Variants in TPM2 observed in about 807,000 individuals in gnomAD.
TPM2 encodes the protein tropomyosin beta chain.
In TPM2, 26 loss-of-function variants were observed where a neutral mutation model predicts 41.0. The observed-to-expected ratio is 0.63, with a 90% confidence interval of 0.46 to 0.88. The LOEUF is 0.88. TPM2 is among the 40% of genes least tolerant of loss of function. The probability of loss-of-function intolerance (pLI) is 0.00; values close to 1 mark genes in which losing one functional copy is unlikely to be tolerated. For missense variants in TPM2, 187 were observed against 355.2 expected (o/e 0.53, Z 3.81); for synonymous variants, 143 against 139.3 (o/e 1.03, Z -0.19).
chr9:35,682,266 G>T, downstream of TPM2: 1 of 1,232,812 alleles, frequency 8.1e-7, no homozygotes, highest in Non-Finnish European at 1.2e-6. Context: ...GTGGGTCAAG[G>T]AAGACACATG....
In TPM2 at chr9:35,689,898, T is replaced by C. The variant is rs370206135; in HGVS notation, c.-81A>G. ...TGGGTGAGCGGACTGGGTGCACCGG[T>C]GGCAGGCGAGGAGGACGGAGCGGGA... On this transcript the variant is annotated 5_prime_UTR_variant, in exon 1 of 9. Coordinates refer to ENST00000645482, the MANE Select transcript of TPM2 (RefSeq NM_003289.4). 1.1e-4 allele frequency: 170 copies of C among 1,598,780 alleles called. No individual in the cohort carries two copies. The East Asian group carries it at 2.9e-3, about 27-fold the overall frequency.
Position 35,685,867 on chromosome 9 carries a change from C to G in TPM2, c.241-87G>C. On this transcript the variant is annotated intron_variant, in intron 2 of 8. Coordinates refer to ENST00000645482, the MANE Select transcript of TPM2 (RefSeq NM_003289.4). The surrounding 1 kb of genome is among the most constrained non-coding windows in gnomAD (Gnocchi z 5.0). ...CTCCAGAGGATGGCGAGATTCTTCTCAGAAAGAACTGAGGCTTCCTGGTTT... is the reference window on the plus strand; with the variant it reads ...CTCCAGAGGATGGCGAGATTCTTCTGAGAAAGAACTGAGGCTTCCTGGTTT... 2 of 1,601,568 alleles carry G rather than the reference C, an allele frequency of 1.2e-6. No individual in the cohort carries two copies. The highest frequency in any genetic ancestry group is 1.7e-6 in the Non-Finnish European group (2 of 1,171,080).
At chr9:35,688,142 T>A (rs1825036805) in intron 2 of TPM2, among the ~76,000 whole-genome samples, 1 of 152,112 alleles carries the variant, frequency 6.6e-6, no homozygotes. Context: ...GAGTGTCAGA[T>A]GCCCAGGGTT....
downstream of TPM2, chr9:35,682,448 T>TGG: frequency 7.6e-7 from 1 of 1,311,250 alleles, no homozygotes; most frequent in Non-Finnish European, 9.9e-7. Flanking sequence ...TTAAGGAAGT[T>TGG]GGAGACAGAA....
chr9:35,683,364 G>C, intron 8 of TPM2, 123 bp from the exon 9 acceptor site: 1 of 970,456 alleles, frequency 1.0e-6, no homozygotes. Context: ...AAGACAGAGT[G>C]AGAGAGGGAG....
At position 35,683,020 on chromosome 9, in the gene TPM2, TG is replaced by T; in HGVS notation, c.*138del. On this transcript the variant is annotated 3_prime_UTR_variant, in exon 9 of 9. Transcript: ENST00000645482. ...GTGCCAGAGTGGGTGGTGGGCATGA[TG>T]GGGGCTCTCCCTAGGCTGCTCCCAG... 2 of 1,544,614 alleles carry T rather than the reference TG, an allele frequency of 1.3e-6. No homozygotes were observed. The highest frequency in any genetic ancestry group is 2.5e-5 in the East Asian group (1 of 40,778).
intron 5 of TPM2, 88 bp from the exon 6 acceptor site, chr9:35,684,895 GAGAGA>G: frequency 7.4e-6 from 12 of 1,612,400 alleles, no homozygotes; most frequent in Middle Eastern, 3.3e-4. Flanking sequence ...ACGGGTGGAG[GAGAGA>G]AGAGAAGAGC....
chr9:35,689,447 A>C (rs1825125065), intron 1 of TPM2, 176 bp from the exon 2 acceptor site: 1 of 954,604 alleles, frequency 1.0e-6, no homozygotes, highest in African/African-American at 1.8e-5. Context: ...GTACAGAGAA[A>C]ACTTCAGGCC....
At chr9:35,687,008 G>A (rs2131857283) in intron 2 of TPM2, among the ~76,000 whole-genome samples, 1 of 152,360 alleles carries the variant, frequency 6.6e-6, no homozygotes, top group African/African-American at 2.4e-5. Flanking sequence ...CCACGGCTCA[G>A]CCACTCAACA....
chr9:35,689,955 A>C, upstream of TPM2: 1 of 1,539,064 alleles, frequency 6.5e-7, no homozygotes, highest in Non-Finnish European at 8.8e-7. Context: ...GGCGCCTAAA[A>C]GGCGGGGAGG....
In TPM2 at chr9:35,683,626, C is replaced by T. The variant is rs534584934; in HGVS notation, c.773-385G>A. On this transcript the variant is annotated intron_variant, in intron 8 of 8. Coordinates refer to ENST00000645482, the MANE Select transcript of TPM2 (RefSeq NM_003289.4). The stretch of plus-strand genomic sequence containing the variant: ...GGAGCTTGCCTGAGAAGGCTGGAAG[C>T]GAGAGAAGTGGGAAAGTGAAAGGGT... Among the ~76,000 whole-genome samples the T allele has an allele frequency of 1.6e-4, 24 of 152,190 alleles. No individual in the cohort carries two copies. In the East Asian group the frequency reaches 3.1e-3, roughly 20 times the overall value.
At chr9:35,689,392 TA>T in intron 1 of TPM2, 121 bp from the exon 2 acceptor site, 1 of 1,509,736 alleles carries the variant, frequency 6.6e-7, no homozygotes, top group Non-Finnish European at 8.8e-7. Flanking sequence ...CGGAATAACA[TA>T]AAAGGGACAG....
intron 2 of TPM2, among the ~76,000 whole-genome samples, chr9:35,686,988 T>A (rs1023917417): frequency 6.6e-6 from 1 of 152,236 alleles, no homozygotes; most frequent in African/African-American, 2.4e-5. Context: ...TGAGTCAGAT[T>A]GTCTTTGAGC....
chr9:35,688,145 C>T (rs1041160997), intron 2 of TPM2, among the ~76,000 whole-genome samples: 2 of 152,060 alleles, frequency 1.3e-5, no homozygotes, highest in Non-Finnish European at 2.9e-5. Context: ...TGTCAGATGC[C>T]CAGGGTTGTC....
At chr9:35,689,999 C>G (rs994076994), upstream of TPM2, 18 of 1,455,828 alleles carry the variant, frequency 1.2e-5, no homozygotes, top group East Asian at 5.1e-5. Flanking sequence ...GACCCTCCCC[C>G]ACCTCGGCCC....
In TPM2 at chr9:35,686,608, GC is replaced by G. The variant is rs1824924253; in HGVS notation, c.241-829del. On this transcript the variant is annotated intron_variant, in intron 2 of 8. Transcript: ENST00000645482. ...AGTTCAGCTTGACCCCAGGAGCCCT[GC>G]CTGGGAAACATAGCAAGATCCCATC... Among the ~76,000 whole-genome samples, 3 of 132,656 alleles carry G rather than the reference GC, an allele frequency of 2.3e-5. No individual in the cohort carries two copies. The South Asian group carries it at 7.1e-4, about 31-fold the overall frequency. 87.0% of individuals were successfully genotyped at this position (132,656 alleles called of 152,430 possible).
At chr9:35,684,619 G>GT in intron 6 of TPM2, 69 bp from the exon 7 acceptor site, 1 of 1,612,896 alleles carries the variant, frequency 6.2e-7, no homozygotes, top group Non-Finnish European at 8.5e-7. Flanking sequence ...ATTGTACCCC[G>GT]TAGGCTCCTG....
At chr9:35,684,083 A>G in intron 8 of TPM2, 163 bp downstream of exon 8, 1 of 711,300 alleles carries the variant, frequency 1.4e-6, no homozygotes. Context: ...GTGGGCAGCT[A>G]CAATTACTTG....
chr9:35,689,390 C>A, intron 1 of TPM2, 119 bp from the exon 2 acceptor site: 1 of 1,513,714 alleles, frequency 6.6e-7, no homozygotes, highest in South Asian at 1.3e-5. Flanking sequence ...AGCGGAATAA[C>A]ATAAAAGGGA....
Sources: allele counts gnomAD v4.1 joint callset (sites outside exome capture counted in the v4.1 genomes callset), GRCh38; gene constraint gnomAD v4.1.1; non-coding constraint Gnocchi (gnomAD v3.1); transcripts MANE v1.5; gene names NCBI Gene and HGNC (gene_info 2026-07-23, HGNC 2026-07-21).